The following DTL variants were observed in gnomAD, a reference collection of about 807,000 sequenced individuals.
DTL encodes denticleless protein homolog.
In DTL, 46 loss-of-function variants were observed where a neutral mutation model predicts 87.0. That is an observed-to-expected ratio of 0.53 (90% CI 0.42 to 0.68). The LOEUF is 0.68. Ranked by LOEUF, DTL falls within the 30% of genes least tolerant of loss-of-function variation. DTL has a pLI of 0.00. For synonymous variants in DTL, 308 were observed against 311.2 expected (o/e 0.99, Z 0.11); for missense variants, 737 against 869.4 (o/e 0.85, Z 1.91).
At chr1:212,037,551 A>G (rs949739020) in intron 1 of DTL, among the ~76,000 whole-genome samples, 2 of 152,214 alleles carry the variant, frequency 1.3e-5, no homozygotes, top group Admixed American at 6.5e-5. Context: ...TAACTCTACC[A>G]TAGGCTACTT....
chr1:212,100,266 A>G lies in DTL; in HGVS notation c.1276A>G (p.Ser426Gly). 1 of 1,565,138 alleles carries G rather than the reference A, an allele frequency of 6.4e-7. No homozygotes were observed. Among genetic ancestry groups the G allele is most frequent in the Non-Finnish European group, 8.6e-7 (1 of 1,158,810 alleles). ...SRPGLVTVTS[S>G]QSTPAKAPRA... ...CTCTTTTTCAGTAACAGTAACGAGT[A>G]GCCAGAGTACTCCTGCCAAAGCCCC... The change falls in exon 14 of 15, where the codon AGC (serine) becomes GGC (glycine). Residue 426 changes from serine to glycine, a missense_variant. Ser to Gly is a moderately conservative substitution (Grantham distance 56, BLOSUM62 0). Coordinates refer to ENST00000366991, the MANE Select transcript of DTL (RefSeq NM_016448.4).
chr1:212,102,615 A>T (rs1335274531), intron 14 of DTL, among the ~76,000 whole-genome samples: 2 of 152,114 alleles, frequency 1.3e-5, no homozygotes, highest in African/African-American at 4.8e-5. Context: ...AATGTTTTCT[A>T]TTCACATAAG....
Position 212,084,846 on chromosome 1 carries a change from T to C in DTL, c.1261+4096T>C, listed in dbSNP as rs190957289. On this transcript the variant is annotated intron_variant, in intron 13 of 14. Transcript: ENST00000366991. ...AGATACAGCTCAGTTCCTTTTAGTA[T>C]GCAGTTGTCCCTCAGGATCCATGGG... 2.0e-3 allele frequency among the ~76,000 whole-genome samples: 312 copies of C among 152,322 alleles called. 1 individual carries two copies. Among genetic ancestry groups the C allele is most frequent in the Non-Finnish European group, 4.1e-3 (279 of 68,024 alleles).
intron 5 of DTL, 121 bp from the exon 6 acceptor site, chr1:212,062,763 G>A: frequency 1.5e-6 from 1 of 663,370 alleles, no homozygotes; most frequent in Non-Finnish European, 2.6e-6. Context: ...TTAAATGTTT[G>A]ATCTCCAGTG....
At chr1:212,092,490 C>T (rs1020694028) in intron 13 of DTL, among the ~76,000 whole-genome samples, 3 of 151,698 alleles carry the variant, frequency 2.0e-5, no homozygotes, top group South Asian at 2.1e-4. Flanking sequence ...AAGCCAAGAT[C>T]GTGCCACTGC....
At chr1:212,043,581 G>T (rs1017131887) in intron 2 of DTL, among the ~76,000 whole-genome samples, 1 of 152,072 alleles carries the variant, frequency 6.6e-6, no homozygotes. Context: ...TGTAATCCCC[G>T]AACTTTGGGA....
At chr1:212,088,707 T>C (rs1655197422) in intron 13 of DTL, among the ~76,000 whole-genome samples, 1 of 152,176 alleles carries the variant, frequency 6.6e-6, no homozygotes, top group African/African-American at 2.4e-5. Context: ...AGGAAGCAAC[T>C]AGTAGTGTCC....
intron 7 of DTL, among the ~76,000 whole-genome samples, chr1:212,066,503 T>G (rs17018414): frequency 0.072 from 10,903 of 152,246 alleles, 653 homozygotes; most frequent in African/African-American, 0.16. Context: ...TTAAATAAGT[T>G]TCCTAAGGAT....
At chr1:212,090,390 C>T (rs1157060712) in intron 13 of DTL, among the ~76,000 whole-genome samples, 1 of 152,032 alleles carries the variant, frequency 6.6e-6, no homozygotes, top group Non-Finnish European at 1.5e-5. Context: ...TTATATCAGC[C>T]CATCCTAAAT....
Position 212,100,570 on chromosome 1 carries a change from C to A in DTL, c.1580C>A (p.Pro527Gln), listed in dbSNP as rs768119065. Reference protein sequence around the residue: ...PPASETKIMSPRKALIPVSQK... With the variant: ...PPASETKIMSQRKALIPVSQK... ...GCTTCGGAGACCAAGATCATGTCTC[C>A]GAGAAAAGCCCTTATTCCTGTGAGC... The change falls in exon 14 of 15, where the codon CCG (proline) becomes CAG (glutamine). Residue 527 changes from proline to glutamine, a missense_variant. Physicochemically the swap from Pro to Gln is moderately conservative, Grantham distance 76. Transcript: ENST00000366991. 1 of 1,613,942 alleles carries A rather than the reference C, an allele frequency of 6.2e-7. No homozygotes were observed. The highest frequency in any genetic ancestry group is 1.7e-5 in the Admixed American group (1 of 60,002).
At chr1:212,075,173 A>T (rs1654793136) in intron 11 of DTL, among the ~76,000 whole-genome samples, 1 of 152,182 alleles carries the variant, frequency 6.6e-6, no homozygotes, top group Admixed American at 6.5e-5. Flanking sequence ...GGCAGAGAAG[A>T]GATTTTGTGA....
chr1:212,065,951 C>T (rs112325007), intron 7 of DTL, among the ~76,000 whole-genome samples: 185 of 152,204 alleles, frequency 1.2e-3, no homozygotes, highest in African/African-American at 4.2e-3. Flanking sequence ...GTGAGCCTCC[C>T]AAAGTGCTGG....
At position 212,101,073 on chromosome 1, in the gene DTL, T is replaced by A. The variant is rs761551076; in HGVS notation, c.2083T>A (p.Leu695Met). ...PNSRRQSGKK[L>M]PSPVTITPSS... ...TTCCAGGAGACAGAGCGGAAAGAAATTGCCAAGCCCGGTAAGTCAGCAGTG... is the reference window on the plus strand; with the variant it reads ...TTCCAGGAGACAGAGCGGAAAGAAAATGCCAAGCCCGGTAAGTCAGCAGTG... Residue 695 changes from leucine (L) to methionine (M), a missense_variant, in exon 14 of 15, where the codon TTG (leucine) becomes ATG (methionine). Leu to Met is a conservative substitution (Grantham distance 15, BLOSUM62 2). Transcript: ENST00000366991. 6.2e-7 allele frequency: 1 copy of A among 1,602,828 alleles called. No homozygotes were observed. The highest frequency in any genetic ancestry group is 2.2e-5 in the East Asian group (1 of 44,776).
intron 13 of DTL, among the ~76,000 whole-genome samples, chr1:212,094,744 G>A (rs1487234279): frequency 6.6e-6 from 1 of 152,226 alleles, no homozygotes; most frequent in East Asian, 1.9e-4. Context: ...CGTAGGTTGT[G>A]TTTTTCCATT....
In DTL at chr1:212,080,679, A is replaced by C; in HGVS notation, c.1190A>C (p.Lys397Thr). The C allele has an allele frequency of 6.2e-7, 1 of 1,613,770 alleles. No individual in the cohort carries two copies. Among genetic ancestry groups the C allele is most frequent in the Non-Finnish European group, 8.5e-7 (1 of 1,179,674 alleles). ...IWRLNRGLEEKPGGDKLSTVG... is the reference protein window; with the variant it reads ...IWRLNRGLEETPGGDKLSTVG... ...CGCTTGAATAGAGGCTTAGAGGAGA[A>C]ACCAGGAGGTGATAAACTTTCCACG... is the stretch of plus-strand genomic sequence containing the variant. The change falls in exon 13 of 15, where the codon AAA (lysine) becomes ACA (threonine). Residue 397 changes from lysine (K) to threonine (T), a missense_variant. Lys to Thr is a moderately conservative substitution (Grantham distance 78). Coordinates refer to ENST00000366991, the MANE Select transcript of DTL (RefSeq NM_016448.4).
chr1:212,091,777 T>G (rs1337328675), intron 13 of DTL, among the ~76,000 whole-genome samples: 1 of 152,240 alleles, frequency 6.6e-6, no homozygotes, highest in Non-Finnish European at 1.5e-5. Flanking sequence ...ACTATGTACT[T>G]GAAAATTGCT....
intron 11 of DTL, among the ~76,000 whole-genome samples, chr1:212,074,343 G>A (rs6656826): frequency 0.95 from 145,177 of 152,170 alleles, 69,315 homozygotes; most frequent in East Asian, 1. Flanking sequence ...GCCTTTTTAA[G>A]ATTTTGTTTC....
intron 5 of DTL, among the ~76,000 whole-genome samples, chr1:212,060,608 G>T (rs11576558): frequency 2.0e-5 from 3 of 151,798 alleles, no homozygotes; most frequent in African/African-American, 4.8e-5. Context: ...TGGTAGGCGC[G>T]CCTGTAGTCC....
At chr1:212,067,777 G>GA (rs1393669966) in intron 8 of DTL, among the ~76,000 whole-genome samples, 1 of 152,016 alleles carries the variant, frequency 6.6e-6, no homozygotes, top group African/African-American at 2.4e-5. Flanking sequence ...TAGATGAAAT[G>GA]AAAAAATACT....
Sources: allele counts gnomAD v4.1 joint callset (sites outside exome capture counted in the v4.1 genomes callset), GRCh38; gene constraint gnomAD v4.1.1; transcripts MANE v1.5; gene names NCBI Gene and HGNC (gene_info 2026-07-23, HGNC 2026-07-21).